Variants in NUP214 observed in about 807,000 individuals in gnomAD.
NUP214 encodes the protein nuclear pore complex protein Nup214.
NUP214 carries 79 observed loss-of-function variants against 196.2 expected under a neutral mutation model. That is an observed-to-expected ratio of 0.40 (90% CI 0.34 to 0.49). NUP214 has a LOEUF of 0.49. Ranked by LOEUF, NUP214 falls within the 20% of genes least tolerant of loss-of-function variation. The pLI is 0.58. For missense variants in NUP214, 2,468 were observed against 2,539.0 expected (o/e 0.97, Z 0.60); for synonymous variants, 1,020 against 990.5 (o/e 1.03, Z -0.56).
chr9:131,184,996 A>G (rs116899060), intron 24 of NUP214, among the ~76,000 whole-genome samples: 1,763 of 152,354 alleles, frequency 0.012, 25 homozygotes, highest in Non-Finnish European at 0.016. Flanking sequence ...TACATGTGAT[A>G]GTGATTAAGA....
chr9:131,163,107 G>A lies in NUP214; in HGVS notation c.2657G>A (p.Arg886His), dbSNP rs1391858277. 6.2e-7 allele frequency: 1 copy of A among 1,614,176 alleles called. No individual in the cohort carries two copies. The highest frequency in any genetic ancestry group is 1.1e-5 in the South Asian group (1 of 91,076). ...CTGGTGGATAGTCTTCAGCAGCTCC[G>A]CCTTTACAAACAGACTTCCCTGTGG... Reference protein sequence around the residue: ...NHLVDSLQQLRLYKQTSLWSL... With the variant: ...NHLVDSLQQLHLYKQTSLWSL... Residue 886 changes from arginine (R) to histidine (H), a missense_variant, in exon 19 of 36, where the codon CGC becomes CAC. By Grantham distance (29) the Arg-to-His change is conservative. Transcript: ENST00000359428.
intron 30 of NUP214, among the ~76,000 whole-genome samples, chr9:131,208,782 C>G (rs926716025): frequency 5.9e-5 from 9 of 152,008 alleles, no homozygotes; most frequent in Non-Finnish European, 7.4e-5. Context: ...CTTTGGGAGG[C>G]TGAGGCAGGC....
intron 19 of NUP214, 184 bp downstream of exon 19, chr9:131,163,357 C>G (rs1588141171): frequency 6.9e-6 from 4 of 575,540 alleles, no homozygotes; most frequent in Non-Finnish European, 1.2e-5. Flanking sequence ...ATGACAATAC[C>G]TGCTTCGTGG....
chr9:131,175,386 G>T (rs1833085484), intron 22 of NUP214, 74 bp from the exon 23 acceptor site: 1 of 1,543,160 alleles, frequency 6.5e-7, no homozygotes, highest in African/African-American at 1.4e-5. Context: ...CGAACATAAA[G>T]AATTTACCAA....
At chr9:131,175,079 C>T (rs1039588415) in intron 22 of NUP214, among the ~76,000 whole-genome samples, 1 of 152,182 alleles carries the variant, frequency 6.6e-6, no homozygotes, top group South Asian at 2.1e-4. Flanking sequence ...ACTGTACTGA[C>T]AGGTGTTGTG....
chr9:131,222,970 G>A (rs145503075), intron 32 of NUP214, 40 bp downstream of exon 32: 2 of 1,591,184 alleles, frequency 1.3e-6, no homozygotes, highest in South Asian at 1.1e-5. Context: ...CTTTATATAT[G>A]TATTTGTTTA....
rs772051161 is a variant in NUP214 at position 131,163,176 on chromosome 9, G to A, written c.2723+3G>A. 6 of 1,607,232 alleles carry A rather than the reference G, an allele frequency of 3.7e-6. No homozygotes were observed. The South Asian group carries it at 4.4e-5, about 12-fold the overall frequency. On this transcript the variant is annotated splice_donor_region_variant and intron_variant, in intron 19 of 35. Coordinates refer to ENST00000359428, the MANE Select transcript of NUP214 (RefSeq NM_005085.4). ...CCTTCCCAGAGCAGCATTCACAGGT[G>A]TGGAGAGGACTTGCACTCAATAAAT...
intron 24 of NUP214, among the ~76,000 whole-genome samples, chr9:131,184,518 TAGAG>T (rs1427643970): frequency 4.6e-5 from 7 of 151,790 alleles, no homozygotes; most frequent in African/African-American, 1.7e-4. Flanking sequence ...GTATTTTTAG[TAGAG>T]ACGGAGTTTC....
intron 24 of NUP214, 157 bp from the exon 25 acceptor site, chr9:131,187,132 T>A: frequency 1.7e-6 from 1 of 603,286 alleles, no homozygotes; most frequent in Non-Finnish European, 2.9e-6. Flanking sequence ...AAATTTATCC[T>A]TCAAAAAAAA....
rs10706351 is a variant in NUP214 at position 131,173,355 on chromosome 9, C to CTTTTTT, written c.2894-681_2894-676dup. Among the ~76,000 whole-genome samples, 5 of 38,188 alleles carry CTTTTTT rather than the reference C, an allele frequency of 1.3e-4. 1 individual carries two copies. The highest frequency in any genetic ancestry group is 3.1e-4 in the African/African-American group (3 of 9,588). The allele number at this position is 38,188 out of a possible 152,430, so 25.1% of individuals were successfully genotyped here. ...ACAGGCTTGAGCCACTGCACCCAGC[C>CTTTTTT]TTTTTTTTTTTTTTTTTTTTTTTTG... On this transcript the variant is annotated intron_variant, in intron 21 of 35. Coordinates refer to ENST00000359428, the MANE Select transcript of NUP214 (RefSeq NM_005085.4).
chr9:131,146,240 C>T lies in NUP214; in HGVS notation c.1881C>T (p.Pro627=), dbSNP rs1832084163. The stretch of plus-strand genomic sequence containing the variant: ...CTGCTTCTGGACCACTCAGCCACCC[C>T]ACACCTCTCTCAGCACCACCTAGTT... ...KPAASGPLSH[P]TPLSAPPSSV... is the part of the protein sequence containing the mutation. Residue 627 remains proline (P), a synonymous_variant, in exon 13 of 36, where the codon CCC becomes CCT. Transcript: ENST00000359428. The surrounding 1 kb of genome is among the most constrained non-coding windows in gnomAD (Gnocchi z 4.6). The T allele has an allele frequency of 1.2e-6, 2 of 1,614,166 alleles. No individual in the cohort carries two copies. Among genetic ancestry groups the T allele is most frequent in the Non-Finnish European group, 8.5e-7 (1 of 1,180,034 alleles).
chr9:131,213,805 G>GA (rs34775627), intron 30 of NUP214, among the ~76,000 whole-genome samples: 139,280 of 150,808 alleles, frequency 0.92, 64,802 homozygotes, highest in East Asian at 1. Flanking sequence ...TTTAAAGGGG[G>GA]AAAAAAAAGA....
At chr9:131,127,399 C>A in intron 1 of NUP214, 125 bp from the exon 2 acceptor site, 1 of 733,688 alleles carries the variant, frequency 1.4e-6, no homozygotes, top group Non-Finnish European at 2.2e-6. Context: ...GAAAAAAAGA[C>A]AATTGAGACA....
chr9:131,144,529 C>T lies in NUP214; in HGVS notation c.1544C>T (p.Pro515Leu). The T allele has an allele frequency of 6.2e-7, 1 of 1,614,206 alleles. No homozygotes were observed. ...GACAGCTCCAAAGCAGCCCCAGGCCCTGGCCCATCAACCTTCTCTTTTGTT... is the reference window on the plus strand; with the variant it reads ...GACAGCTCCAAAGCAGCCCCAGGCCTTGGCCCATCAACCTTCTCTTTTGTT... The part of the protein sequence containing the change: ...GSDSSKAAPG[P>L]GPSTFSFVPP... Residue 515 changes from proline (P) to leucine (L), a missense_variant, in exon 12 of 36, where the codon CCT (proline) becomes CTT (leucine). Physicochemically the swap from Pro to Leu is moderately conservative, Grantham distance 98. Coordinates refer to ENST00000359428, the MANE Select transcript of NUP214 (RefSeq NM_005085.4).
intron 18 of NUP214, among the ~76,000 whole-genome samples, chr9:131,160,504 A>G (rs1403856491): frequency 6.6e-6 from 1 of 152,232 alleles, no homozygotes; most frequent in East Asian, 1.9e-4. Context: ...CACAAGGAGT[A>G]GAATGTCATG....
At chr9:131,172,128 C>A (rs1365769806) in intron 21 of NUP214, among the ~76,000 whole-genome samples, 2 of 150,606 alleles carry the variant, frequency 1.3e-5, no homozygotes. Context: ...GGAATCGCCA[C>A]ACTGACTTCC....
chr9:131,178,512 T>C, intron 24 of NUP214, 102 bp downstream of exon 24: 1 of 796,628 alleles, frequency 1.3e-6, no homozygotes, highest in Non-Finnish European at 2.1e-6. Flanking sequence ...CTGGTTTTCC[T>C]GCACCGCCTT....
chr9:131,183,665 T>TTAAAGA (rs1833355236), intron 24 of NUP214, among the ~76,000 whole-genome samples: 2 of 152,190 alleles, frequency 1.3e-5, no homozygotes, highest in African/African-American at 2.4e-5. Flanking sequence ...TTTCACTGAT[T>TTAAAGA]TAAAGATGTT....
intron 26 of NUP214, chr9:131,190,293 C>A: frequency 1.9e-6 from 1 of 527,814 alleles, no homozygotes; most frequent in South Asian, 2.8e-5. Context: ...ACTCTTTTTT[C>A]AAGGACTTCA....
Sources: gnomAD v4.1 joint callset for allele counts (sites outside exome capture counted in the v4.1 genomes callset) on GRCh38, gnomAD v4.1.1 for gene constraint, Gnocchi (gnomAD v3.1) non-coding constraint, MANE v1.5 for transcripts, NCBI Gene and HGNC (gene_info 2026-07-23, HGNC 2026-07-21) for gene names.